The following DYNC2H1 variants were observed in gnomAD, a reference collection of about 807,000 sequenced individuals.
The protein encoded by DYNC2H1 is dynein cytoplasmic 2 heavy chain 1.
Under a neutral mutation model 570.0 loss-of-function variants are expected in DYNC2H1, and 410 were observed. The observed-to-expected ratio is 0.72, with a 90% CI of 0.66 to 0.78. The LOEUF (loss-of-function observed/expected upper bound fraction) is 0.78. DYNC2H1 is among the 30% of genes least tolerant of loss of function. The probability of loss-of-function intolerance (pLI) is 0.00; values close to 1 mark genes in which losing one functional copy is unlikely to be tolerated. For missense variants in DYNC2H1, 4,865 were observed against 5,046.4 expected, an observed-to-expected ratio of 0.96 and a Z score of 1.09; for synonymous variants, 1,688 against 1,677.6, an observed-to-expected ratio of 1.01 and a Z score of -0.15.
At chr11:103,175,494 T>C (rs1430066603) in intron 36 of DYNC2H1, among the ~76,000 whole-genome samples, 1 of 152,224 alleles carries the variant, frequency 6.6e-6, no homozygotes, top group Non-Finnish European at 1.5e-5. Context: ...ACTTTTTATG[T>C]GTACTTAAGC....
At chr11:103,122,588 C>G (rs1858775097) in intron 10 of DYNC2H1, among the ~76,000 whole-genome samples, 2 of 152,178 alleles carry the variant, frequency 1.3e-5, no homozygotes. Context: ...CCATTTTATT[C>G]TTGGAGTTAT....
chr11:103,258,435 A>G (rs1865148033), intron 69 of DYNC2H1, among the ~76,000 whole-genome samples: 1 of 152,282 alleles, frequency 6.6e-6, no homozygotes, highest in African/African-American at 2.4e-5. Context: ...TCTTATGCTT[A>G]TTGATTCTAT....
intron 40 of DYNC2H1, among the ~76,000 whole-genome samples, chr11:103,183,406 T>TTC (rs1861934291): frequency 6.6e-6 from 1 of 151,920 alleles, no homozygotes; most frequent in Non-Finnish European, 1.5e-5. Context: ...AGGATAAGAT[T>TTC]GTTAAACAAT....
At chr11:103,302,187 T>C (rs1368488142) in intron 75 of DYNC2H1, among the ~76,000 whole-genome samples, 1 of 152,074 alleles carries the variant, frequency 6.6e-6, no homozygotes, top group Non-Finnish European at 1.5e-5. Flanking sequence ...TAAATATAGT[T>C]AATGGTGGCA....
At chr11:103,376,320 G>T (rs1441393590) in intron 83 of DYNC2H1, among the ~76,000 whole-genome samples, 2 of 152,128 alleles carry the variant, frequency 1.3e-5, no homozygotes, top group East Asian at 3.9e-4. Context: ...AATATTTAAG[G>T]TTATTAATAG....
intron 31 of DYNC2H1, among the ~76,000 whole-genome samples, chr11:103,168,036 T>C (rs1277753399): frequency 6.6e-6 from 1 of 152,246 alleles, no homozygotes; most frequent in African/African-American, 2.4e-5. Context: ...CTCCATGATC[T>C]TCCCAGCATT....
At chr11:103,253,527 A>G in intron 66 of DYNC2H1, 79 bp downstream of exon 66, 1 of 1,332,636 alleles carries the variant, frequency 7.5e-7, no homozygotes, top group Non-Finnish European at 1.0e-6. Context: ...GTGAGAAGCT[A>G]TTTTGTTAGA....
intron 83 of DYNC2H1, among the ~76,000 whole-genome samples, chr11:103,359,654 CTT>C (rs113915005): frequency 1.4e-4 from 19 of 139,362 alleles, no homozygotes; most frequent in Admixed American, 3.7e-4. Flanking sequence ...CCCTCATTTA[CTT>C]TTTTTTTTTT....
In DYNC2H1 at chr11:103,186,160, T is replaced by G; in HGVS notation, c.6634-82T>G. On this transcript the variant is annotated intron_variant, in intron 41 of 88. Transcript: ENST00000375735. This position sits in a 1 kb window ranked among gnomAD's most constrained non-coding sequence, Gnocchi z 4.5. ...TTCTTGGAACTAAGATGATTTACTT[T>G]TGGGATATTTACTTGGAAGAATTTT... 1 of 1,350,838 alleles carries G rather than the reference T, an allele frequency of 7.4e-7. No individual in the cohort carries two copies. Among genetic ancestry groups the G allele is most frequent in the Non-Finnish European group, 1.0e-6 (1 of 1,002,524 alleles). 83.7% of individuals were successfully genotyped at this position (1,350,838 alleles called of 1,614,324 possible).
In DYNC2H1 at chr11:103,307,892, C is replaced by T. The variant is rs1867372513; in HGVS notation, c.11493+61C>T. On this transcript the variant is annotated intron_variant, in intron 78 of 88. Transcript: ENST00000375735. ...GAAAGCAGTACTCTATACATGACTT[C>T]TAAAACTTTGTAAACAACTATTATA... The T allele has an allele frequency of 4.1e-6, 4 of 967,376 alleles. No homozygotes were observed. In the South Asian group the frequency reaches 7.0e-5, roughly 17 times the overall value. 59.9% of individuals were successfully genotyped at this position (967,376 alleles called of 1,614,324 possible).
In DYNC2H1 at chr11:103,305,652, G is replaced by A. The variant is rs1867250668; in HGVS notation, c.11382+932G>A. 6.6e-6 allele frequency among the ~76,000 whole-genome samples: 1 copy of A among 152,048 alleles called. No homozygotes were observed. Among genetic ancestry groups the A allele is most frequent in the African/African-American group, 2.4e-5 (1 of 41,382 alleles). ...TAAATTGAGGGAGGTCCTGCCCTAG[G>A]TGTGAGGTATTAAAAATCTCTGCAG... On this transcript the variant is annotated intron_variant, in intron 77 of 88. Transcript: ENST00000375735. This position sits in a 1 kb window ranked among gnomAD's most constrained non-coding sequence, Gnocchi z 4.3.
chr11:103,319,716 GC>G lies in DYNC2H1; in HGVS notation c.11726-1312del. ...ATTCGATAAAATATTTCACATAATG[GC>G]TGCTGTTTCTGTTTTATAAGTTGAA... On this transcript the variant is annotated intron_variant, in intron 80 of 88. Coordinates refer to ENST00000375735, the MANE Select transcript of DYNC2H1 (RefSeq NM_001377.3). The surrounding 1 kb of genome is among the most constrained non-coding windows in gnomAD (Gnocchi z 4.3). Among the ~76,000 whole-genome samples, 1 of 152,144 alleles carries G rather than the reference GC, an allele frequency of 6.6e-6. No homozygotes were observed. The highest frequency in any genetic ancestry group is 2.1e-4 in the South Asian group (1 of 4,818).
At chr11:103,213,580 T>C (rs1044773005) in intron 54 of DYNC2H1, among the ~76,000 whole-genome samples, 3 of 151,938 alleles carry the variant, frequency 2.0e-5, no homozygotes, top group Non-Finnish European at 4.4e-5. Context: ...GGGTGATTAG[T>C]GATGTTGAAC....
intron 67 of DYNC2H1, 110 bp downstream of exon 67, chr11:103,255,644 A>G: frequency 1.7e-6 from 2 of 1,172,168 alleles, no homozygotes; most frequent in South Asian, 3.5e-5. Flanking sequence ...TTTTCCAAAG[A>G]CATATTAGTG....
rs975291787 is a variant in DYNC2H1 at position 103,325,852 on chromosome 11, G to C, written c.12039+1862G>C. 2.0e-4 allele frequency among the ~76,000 whole-genome samples: 31 copies of C among 152,128 alleles called. No homozygotes were observed. Among genetic ancestry groups the C allele is most frequent in the Admixed American group, 1.7e-3 (26 of 15,282 alleles). ...AGACATTTCAGTCTCATTAGGGACCGTTGCTGGTGGGCGGGGGATGGGCGT... is the reference window on the plus strand; with the variant it reads ...AGACATTTCAGTCTCATTAGGGACCCTTGCTGGTGGGCGGGGGATGGGCGT... On this transcript the variant is annotated intron_variant, in intron 82 of 88. Coordinates refer to ENST00000375735, the MANE Select transcript of DYNC2H1 (RefSeq NM_001377.3). This position sits in a 1 kb window ranked among gnomAD's most constrained non-coding sequence, Gnocchi z 4.8.
At chr11:103,114,535 G>T (rs536244254) in intron 3 of DYNC2H1, among the ~76,000 whole-genome samples, 1 of 152,242 alleles carries the variant, frequency 6.6e-6, no homozygotes, top group South Asian at 2.1e-4. Flanking sequence ...GCCCAGGCTG[G>T]TGTCAAACTA....
chr11:103,179,324 T>C (rs1861756601), intron 39 of DYNC2H1, 91 bp downstream of exon 39: 2 of 1,156,966 alleles, frequency 1.7e-6, no homozygotes, highest in South Asian at 4.6e-5. Flanking sequence ...GTGTGAATAA[T>C]GAATACATAT....
At position 103,451,324 on chromosome 11, in the gene DYNC2H1, C is replaced by CTTTTTTTTTTTTTTT. The variant is rs34032894; in HGVS notation, c.12457-3849_12457-3835dup. The stretch of plus-strand genomic sequence containing the variant: ...AGAAATGAATCACTGAGTAAAAGGG[C>CTTTTTTTTTTTTTTT]TTTTTTTTTTTTTTTTTTTTTTTTT... On this transcript the variant is annotated intron_variant, in intron 85 of 88. Transcript: ENST00000375735. Among the ~76,000 whole-genome samples, 20 of 71,034 alleles carry CTTTTTTTTTTTTTTT rather than the reference C, an allele frequency of 2.8e-4. 1 individual carries two copies. Among genetic ancestry groups the CTTTTTTTTTTTTTTT allele is most frequent in the African/African-American group, 7.4e-4 (11 of 14,836 alleles). The allele number at this position is 71,034 out of a possible 152,430, so 46.6% of individuals were successfully genotyped here.
chr11:103,395,243 A>G lies in DYNC2H1; in HGVS notation c.12157-4420A>G, dbSNP rs1035637993. 6.6e-6 allele frequency among the ~76,000 whole-genome samples: 1 copy of G among 152,124 alleles called. No homozygotes were observed. Among genetic ancestry groups the G allele is most frequent in the Non-Finnish European group, 1.5e-5 (1 of 68,024 alleles). On this transcript the variant is annotated intron_variant, in intron 83 of 88. Coordinates refer to ENST00000375735, the MANE Select transcript of DYNC2H1 (RefSeq NM_001377.3). The surrounding 1 kb of genome is among the most constrained non-coding windows in gnomAD (Gnocchi z 4.3). ...TGAAAAATGGAAATGTATGGTGTAT[A>G]TGATTGAAAAGGTGTTAAAATGTTT... is the stretch of plus-strand genomic sequence containing the variant.
Sources: gnomAD v4.1 joint callset for allele counts (sites outside exome capture counted in the v4.1 genomes callset) on GRCh38, gnomAD v4.1.1 for gene constraint, Gnocchi (gnomAD v3.1) non-coding constraint, MANE v1.5 for transcripts, NCBI Gene and HGNC (gene_info 2026-07-23, HGNC 2026-07-21) for gene names.